ERGIC1: variants seen among roughly 807,000 people sequenced by gnomAD.
The protein encoded by ERGIC1 is endoplasmic reticulum-Golgi intermediate compartment protein 1.
A neutral mutation model predicts 38.3 loss-of-function variants in ERGIC1; 19 were observed. That is an observed-to-expected ratio of 0.50 (90% CI 0.35 to 0.73). The LOEUF (loss-of-function observed/expected upper bound fraction) is 0.73, where lower values mean the gene tolerates loss of function less well. ERGIC1 is among the 30% of genes least tolerant of loss of function. The pLI is 0.01. For synonymous variants in ERGIC1, 124 were observed against 157.6 expected (o/e 0.79, Z 1.60); for missense variants, 294 against 389.2 (o/e 0.76, Z 2.06).
At chr5:172,892,868 G>A (rs1301363107) in intron 2 of ERGIC1, among the ~76,000 whole-genome samples, 3 of 152,130 alleles carry the variant, frequency 2.0e-5, no homozygotes, top group African/African-American at 4.8e-5. Flanking sequence ...GGTAACACAC[G>A]CCATGAATGC....
chr5:172,934,804 C>A (rs1219828090), intron 8 of ERGIC1: 2 of 286,838 alleles, frequency 7.0e-6, no homozygotes, highest in Non-Finnish European at 1.4e-5. Context: ...CATGGGCCAC[C>A]ACAGTGGAGG....
Position 172,924,127 on chromosome 5 carries a change from G to A in ERGIC1, c.480+18G>A, listed in dbSNP as rs7724177. 3.2e-3 allele frequency: 5,170 copies of A among 1,611,824 alleles called. 146 individuals are homozygous for A. In the African/African-American group the frequency reaches 0.056, roughly 18 times the overall value. ...CGCTACAGGTGAGCAGGGGACACTC[G>A]AGATGGCATGGCCGGGGGTGGGCCT... On this transcript the variant is annotated intron_variant, in intron 6 of 9. Coordinates refer to ENST00000393784, the MANE Select transcript of ERGIC1 (RefSeq NM_001031711.3).
rs541071240 is a variant in ERGIC1, at chr5:172,853,244, T to A, written c.20+18811T>A. Among the ~76,000 whole-genome samples the A allele has an allele frequency of 3.7e-3, 563 of 152,288 alleles. 5 individuals are homozygous for A. Among genetic ancestry groups the A allele is most frequent in the African/African-American group, 0.013 (544 of 41,566 alleles). On this transcript the variant is annotated intron_variant, in intron 1 of 9. Coordinates refer to ENST00000393784, the MANE Select transcript of ERGIC1 (RefSeq NM_001031711.3). ...GTGACTGGTGAGCGGCTCCTAGGTCTGCTCCTGCCTCCAGTAGAAGCAGCC... is the reference window on the plus strand; with the variant it reads ...GTGACTGGTGAGCGGCTCCTAGGTCAGCTCCTGCCTCCAGTAGAAGCAGCC...
intron 5 of ERGIC1, among the ~76,000 whole-genome samples, chr5:172,922,936 C>T (rs1298357596): frequency 6.6e-6 from 1 of 152,110 alleles, no homozygotes; most frequent in East Asian, 1.9e-4. Context: ...CGACCTTGGA[C>T]CAGGGCAGCA....
intron 1 of ERGIC1, among the ~76,000 whole-genome samples, chr5:172,876,886 G>C (rs896339601): frequency 6.6e-6 from 1 of 152,184 alleles, no homozygotes; most frequent in South Asian, 2.1e-4. Flanking sequence ...TTGTTGCAGT[G>C]AGCCGAAATC....
At chr5:172,889,022 C>T (rs1214489390) in intron 2 of ERGIC1, among the ~76,000 whole-genome samples, 3 of 152,312 alleles carry the variant, frequency 2.0e-5, no homozygotes, top group South Asian at 2.1e-4. Flanking sequence ...CGGTGGCTCA[C>T]GCCTGTAATC....
At chr5:172,915,583 C>T (rs528614496) in intron 5 of ERGIC1, 32 of 471,170 alleles carry the variant, frequency 6.8e-5, no homozygotes, top group East Asian at 1.4e-4. Flanking sequence ...CCGAGGCACC[C>T]GGTGGCAGCT....
chr5:172,879,696 CG>C (rs569546469), intron 1 of ERGIC1, among the ~76,000 whole-genome samples: 2 of 152,312 alleles, frequency 1.3e-5, no homozygotes, highest in South Asian at 4.1e-4. Flanking sequence ...CATCACCCAT[CG>C]GGGGCAGGAG....
intron 5 of ERGIC1, among the ~76,000 whole-genome samples, chr5:172,919,329 C>T (rs958196129): frequency 3.3e-5 from 5 of 152,190 alleles, no homozygotes; most frequent in Non-Finnish European, 7.3e-5. Context: ...CCCCCGCCCC[C>T]GGGGAGATGC....
intron 9 of ERGIC1, among the ~76,000 whole-genome samples, chr5:172,944,871 C>G (rs1764088061): frequency 6.6e-6 from 1 of 152,210 alleles, no homozygotes; most frequent in African/African-American, 2.4e-5. Context: ...CCCCTCCAGG[C>G]CCACCTTTTC....
At chr5:172,925,331 T>C (rs1763626157) in intron 6 of ERGIC1, among the ~76,000 whole-genome samples, 1 of 152,192 alleles carries the variant, frequency 6.6e-6, no homozygotes, top group Non-Finnish European at 1.5e-5. Context: ...TCTAGCCTTC[T>C]TGTCTCTGTA....
intron 3 of ERGIC1, chr5:172,898,639 A>G (rs779385234): frequency 2.6e-5 from 4 of 152,130 alleles, no homozygotes; most frequent in Non-Finnish European, 5.9e-5. Flanking sequence ...CTTAATTACT[A>G]CTTTGCTGTG....
intron 1 of ERGIC1, among the ~76,000 whole-genome samples, chr5:172,852,836 G>A (rs980149122): frequency 6.6e-6 from 1 of 152,250 alleles, no homozygotes; most frequent in African/African-American, 2.4e-5. Context: ...AGCACATGTG[G>A]CTGTGATGAC....
At chr5:172,946,638 T>C (rs1181926492) in intron 9 of ERGIC1, among the ~76,000 whole-genome samples, 1 of 152,216 alleles carries the variant, frequency 6.6e-6, no homozygotes, top group Non-Finnish European at 1.5e-5. Context: ...GCCACTTCCC[T>C]GAGCGAGTTC....
intron 1 of ERGIC1, among the ~76,000 whole-genome samples, chr5:172,873,225 C>T (rs1038926408): frequency 9.2e-5 from 14 of 152,352 alleles, no homozygotes; most frequent in African/African-American, 3.4e-4. Flanking sequence ...TGTTCTATCC[C>T]GGTGTGGGGC....
At chr5:172,903,516 C>T (rs1033692643) in intron 3 of ERGIC1, among the ~76,000 whole-genome samples, 1 of 152,138 alleles carries the variant, frequency 6.6e-6, no homozygotes, top group Admixed American at 6.5e-5. Flanking sequence ...CCTCTTGGTC[C>T]TATGATCTTG....
intron 1 of ERGIC1, among the ~76,000 whole-genome samples, chr5:172,880,997 C>T (rs1284565978): frequency 6.6e-6 from 1 of 152,158 alleles, no homozygotes; most frequent in Non-Finnish European, 1.5e-5. Flanking sequence ...GCCTGTAATC[C>T]CAGCACTTTG....
chr5:172,861,200 T>C (rs1250345043), intron 1 of ERGIC1, among the ~76,000 whole-genome samples: 1 of 151,952 alleles, frequency 6.6e-6, no homozygotes, highest in Non-Finnish European at 1.5e-5. Flanking sequence ...CACCTCAGAG[T>C]CTTGGCCAAG....
In ERGIC1 at chr5:172,950,829, C is replaced by A. The variant is rs1376112446; in HGVS notation, c.*13C>A. On this transcript the variant is annotated 3_prime_UTR_variant, in exon 10 of 10. Coordinates refer to ENST00000393784, the MANE Select transcript of ERGIC1 (RefSeq NM_001031711.3). ...CAAGATGCATTGACGCCACACCCAG[C>A]CTAATGGCCGAGGACCCTGGGCATC... 2.5e-6 allele frequency: 4 copies of A among 1,602,242 alleles called. No homozygotes were observed. The highest frequency in any genetic ancestry group is 3.4e-6 in the Non-Finnish European group (4 of 1,171,360).
Sources: allele counts gnomAD v4.1 joint callset (sites outside exome capture counted in the v4.1 genomes callset), GRCh38; gene constraint gnomAD v4.1.1; transcripts MANE v1.5; gene names NCBI Gene and HGNC (gene_info 2026-07-23, HGNC 2026-07-21).